DMRT1: variants seen among roughly 807,000 people sequenced by gnomAD.
DMRT1 encodes the protein doublesex and mab-3 related transcription factor 1.
In DMRT1, 7 loss-of-function variants were observed where a neutral mutation model predicts 32.3. The observed-to-expected ratio is 0.22, with a 90% CI of 0.12 to 0.41. The LOEUF (loss-of-function observed/expected upper bound fraction) is 0.41, where lower values mean the gene tolerates loss of function less well. Among genes scored for constraint, DMRT1 ranks in the 10% least tolerant of loss-of-function variants. The pLI, the probability that DMRT1 is intolerant of heterozygous loss-of-function variation, is 1.00. For missense variants in DMRT1, 625 were observed against 500.5 expected (o/e 1.25, Z -2.37); for synonymous variants, 278 against 206.1 (o/e 1.35, Z -2.99).
At chr9:851,635 A>G (rs1312962933) in intron 2 of DMRT1, among the ~76,000 whole-genome samples, 1 of 152,218 alleles carries the variant, frequency 6.6e-6, no homozygotes, top group East Asian at 1.9e-4. Flanking sequence ...AATTATTGCC[A>G]AGAATATTGG....
At position 867,208 on chromosome 9, in the gene DMRT1, A is replaced by G. The variant is rs138509506; in HGVS notation, c.538+20065A>G. Among the ~76,000 whole-genome samples the G allele has an allele frequency of 3.5e-4, 54 of 152,334 alleles. 1 individual carries two copies. The highest frequency in any genetic ancestry group is 3.5e-3 in the South Asian group (17 of 4,824). ...GGGTAGGACTGAAAAAAAACAAAGC[A>G]TAATAAGGGTGATTAAGCAAAGAAA... On this transcript the variant is annotated intron_variant, in intron 2 of 4. Transcript: ENST00000382276.
At chr9:916,712 T>C (rs1440763581) in intron 3 of DMRT1, 51 bp from the exon 4 acceptor site, 2 of 1,600,816 alleles carry the variant, frequency 1.2e-6, no homozygotes, top group East Asian at 2.2e-5. Flanking sequence ...ATTGTACTAG[T>C]TGTGACATGC....
intron 1 of DMRT1, 104 bp from the exon 2 acceptor site, chr9:846,856 T>A: frequency 7.2e-7 from 1 of 1,392,502 alleles, no homozygotes. Flanking sequence ...AGACCTCACC[T>A]CCAGAGCTAG....
intron 3 of DMRT1, among the ~76,000 whole-genome samples, chr9:896,948 GT>G (rs1817391409): frequency 6.6e-6 from 1 of 151,966 alleles, no homozygotes; most frequent in Non-Finnish European, 1.5e-5. Context: ...AAGTCATTAG[GT>G]TGATAAAATT....
intron 4 of DMRT1, among the ~76,000 whole-genome samples, chr9:920,883 A>G (rs1818331202): frequency 1.3e-5 from 2 of 152,124 alleles, no homozygotes; most frequent in Non-Finnish European, 2.9e-5. Flanking sequence ...TTACTTGTCT[A>G]AGAGGGGAGA....
rs148670970 is a variant in DMRT1, at chr9:847,044, G to T, written c.439G>T (p.Val147Phe). Residue 147 changes from valine (V) to phenylalanine (F), a missense_variant, in exon 2 of 5, where the codon GTC (valine) becomes TTC (phenylalanine). Val to Phe is a conservative substitution (Grantham distance 50, BLOSUM62 -1). Coordinates refer to ENST00000382276, the MANE Select transcript of DMRT1 (RefSeq NM_021951.3). ...IPLPSAAELL[V>F]KRENNGSNPC... ...ACTGCCCAGTGCGGCCGAGCTGCTT[G>T]TCAAAAGAGAGAACAATGGCAGTAA... The T allele has an allele frequency of 6.2e-7, 1 of 1,614,032 alleles. No individual in the cohort carries two copies. The highest frequency in any genetic ancestry group is 8.5e-7 in the Non-Finnish European group (1 of 1,180,046).
intron 3 of DMRT1, among the ~76,000 whole-genome samples, chr9:914,119 G>A (rs1818087128): frequency 6.6e-6 from 1 of 152,016 alleles, no homozygotes; most frequent in African/African-American, 2.4e-5. Flanking sequence ...TTGATAACTG[G>A]GTGTGTGTAG....
At chr9:868,249 G>C (rs1816077074) in intron 2 of DMRT1, among the ~76,000 whole-genome samples, 1 of 150,636 alleles carries the variant, frequency 6.6e-6, no homozygotes, top group South Asian at 2.1e-4. Context: ...AGAGTGCTGG[G>C]ATTACAGGCG....
At chr9:860,069 G>C (rs1358183512) in intron 2 of DMRT1, among the ~76,000 whole-genome samples, 2 of 152,290 alleles carry the variant, frequency 1.3e-5, no homozygotes, top group Non-Finnish European at 2.9e-5. Context: ...GGCCGAGGTG[G>C]GTGGATCACT....
chr9:859,023 T>A lies in DMRT1; in HGVS notation c.538+11880T>A, dbSNP rs73639438. ...AAACTCTGTACCCATTAAACGATTA[T>A]TTCCCATTTACCCCTCTCATGAACT... On this transcript the variant is annotated intron_variant, in intron 2 of 4. Transcript: ENST00000382276. Among the ~76,000 whole-genome samples, 538 of 152,178 alleles carry A rather than the reference T, an allele frequency of 3.5e-3. 2 individuals carry two copies. Among genetic ancestry groups the A allele is most frequent in the African/African-American group, 0.012 (509 of 41,528 alleles).
intron 2 of DMRT1, among the ~76,000 whole-genome samples, chr9:854,266 T>C (rs1264788928): frequency 6.6e-6 from 1 of 151,770 alleles, no homozygotes; most frequent in Admixed American, 6.6e-5. Context: ...ACAGGTGCGC[T>C]ACATGCCCAG....
intron 3 of DMRT1, among the ~76,000 whole-genome samples, chr9:910,529 T>A (rs531156039): frequency 6.6e-5 from 10 of 150,822 alleles, no homozygotes; most frequent in South Asian, 6.3e-4. Context: ...TTTTTTTTTT[T>A]AAAAAAAGAA....
At chr9:856,481 T>C (rs1317822593) in intron 2 of DMRT1, among the ~76,000 whole-genome samples, 1 of 152,238 alleles carries the variant, frequency 6.6e-6, no homozygotes, top group Non-Finnish European at 1.5e-5. Flanking sequence ...ATAACTGGAA[T>C]GATAAGATGT....
intron 4 of DMRT1, among the ~76,000 whole-genome samples, chr9:952,803 A>T (rs1375928376): frequency 6.6e-6 from 1 of 152,238 alleles, no homozygotes; most frequent in African/African-American, 2.4e-5. Context: ...GGTTGGAGTC[A>T]GTGCCTGGGC....
rs1838687887 is a variant in DMRT1 at position 841,750 on chromosome 9, G to C, written c.-89G>C. On this transcript the variant is annotated 5_prime_UTR_variant, in exon 1 of 5. Transcript: ENST00000382276. ...ACACGTCTCCTGCGCCTCCTCCTCC[G>C]GAGCGTCGCTGTCCGTCGGGTTCAT... The C allele has an allele frequency of 6.5e-6, 10 of 1,548,298 alleles. No individual in the cohort carries two copies. The highest frequency in any genetic ancestry group is 2.4e-5 in the East Asian group (1 of 40,968).
chr9:854,788 CAG>C (rs1564198354), intron 2 of DMRT1, among the ~76,000 whole-genome samples: 1 of 81,352 alleles, frequency 1.2e-5, no homozygotes, highest in East Asian at 5.2e-4. Context: ...TTTTTTGAAA[CAG>C]AGTCTCACTC....
chr9:892,199 T>A (rs1817178260), intron 2 of DMRT1, among the ~76,000 whole-genome samples: 1 of 152,210 alleles, frequency 6.6e-6, no homozygotes, highest in African/African-American at 2.4e-5. Flanking sequence ...ACAGCCTGCT[T>A]GCTCTGTGAT....
intron 2 of DMRT1, among the ~76,000 whole-genome samples, chr9:892,436 C>T (rs1817188186): frequency 1.3e-5 from 2 of 149,894 alleles, no homozygotes. Flanking sequence ...CCACCCTCTG[C>T]TCTACACACC....
At chr9:932,027 G>A (rs1027469009) in intron 4 of DMRT1, among the ~76,000 whole-genome samples, 1 of 152,074 alleles carries the variant, frequency 6.6e-6, no homozygotes, top group Non-Finnish European at 1.5e-5. Flanking sequence ...CCCAGCCCAC[G>A]TCAGGCCCTC....
Sources: gnomAD v4.1 joint callset for allele counts (sites outside exome capture counted in the v4.1 genomes callset) on GRCh38, gnomAD v4.1.1 for gene constraint, MANE v1.5 for transcripts, NCBI Gene and HGNC (gene_info 2026-07-23, HGNC 2026-07-21) for gene names.